The following IL1RAPL1 variants were observed in gnomAD, a reference collection of about 807,000 sequenced individuals.
IL1RAPL1 encodes the protein interleukin-1 receptor accessory protein-like 1.
Under a neutral mutation model 48.4 loss-of-function variants are expected in IL1RAPL1, and 3 were observed. The observed-to-expected ratio is 0.06, with a 90% CI of 0.03 to 0.16. The LOEUF (loss-of-function observed/expected upper bound fraction) is 0.16, where lower values mean the gene tolerates loss of function less well. IL1RAPL1 is among the 10% of genes least tolerant of loss of function. IL1RAPL1 has a pLI of 1.00. For synonymous variants in IL1RAPL1, 185 were observed against 187.7 expected, an observed-to-expected ratio of 0.99 and a Z score of 0.12; for missense variants, 349 against 530.6, an observed-to-expected ratio of 0.66 and a Z score of 3.36.
At chrX:28,701,546 A>C (rs1444886955) in intron 1 of IL1RAPL1, among the ~76,000 whole-genome samples, 1 of 112,274 alleles carries the variant, frequency 8.9e-6, no homozygotes, top group Non-Finnish European at 1.9e-5. Context: ...TCTTGACTGC[A>C]GAAGAAAGTT....
chrX:29,843,419 G>A (rs1220237369), intron 6 of IL1RAPL1, among the ~76,000 whole-genome samples: 1 of 112,123 alleles, frequency 8.9e-6, no homozygotes, highest in Non-Finnish European at 1.9e-5. Context: ...GACATTATGA[G>A]TGAATTTTAG....
chrX:29,326,572 G>T (rs1346154544), intron 3 of IL1RAPL1, among the ~76,000 whole-genome samples: 3 of 111,991 alleles, frequency 2.7e-5, no homozygotes, highest in Non-Finnish European at 1.9e-5. Context: ...CTATGTCATA[G>T]CCCTCATTAT....
chrX:29,672,556 A>C (rs933490831), intron 6 of IL1RAPL1, among the ~76,000 whole-genome samples: 3 of 111,157 alleles, frequency 2.7e-5, no homozygotes, highest in Admixed American at 1.9e-4. Flanking sequence ...AAAATATACA[A>C]ACCTAATCGA....
At chrX:29,157,196 C>T in intron 2 of IL1RAPL1, among the ~76,000 whole-genome samples, 1 of 111,431 alleles carries the variant, frequency 9.0e-6, no homozygotes, top group Non-Finnish European at 1.9e-5. Context: ...ACAGGGAGAT[C>T]TGTAGATAAC....
chrX:29,787,790 A>C (rs947887589), intron 6 of IL1RAPL1, among the ~76,000 whole-genome samples: 2 of 112,006 alleles, frequency 1.8e-5, no homozygotes, highest in African/African-American at 6.5e-5. Flanking sequence ...GTATAACTTA[A>C]TGTTTTTAGT....
At chrX:29,274,697 A>G (rs1234397394) in intron 2 of IL1RAPL1, among the ~76,000 whole-genome samples, 1 of 112,239 alleles carries the variant, frequency 8.9e-6, no homozygotes, top group Non-Finnish European at 1.9e-5. Context: ...GTTCTGCTGT[A>G]TAAACACCTG....
chrX:29,633,254 GTATAT>G (rs1169342443), intron 5 of IL1RAPL1, among the ~76,000 whole-genome samples: 1 of 111,191 alleles, frequency 9.0e-6, no homozygotes, highest in African/African-American at 3.3e-5. Flanking sequence ...GAAAAAAAGA[GTATAT>G]AATATATGAT....
intron 6 of IL1RAPL1, among the ~76,000 whole-genome samples, chrX:29,778,898 A>C (rs1929271019): frequency 8.9e-6 from 1 of 111,901 alleles, no homozygotes; most frequent in African/African-American, 3.2e-5. Context: ...ATTTGGGGGA[A>C]AGAGTGTAGC....
chrX:29,221,931 A>G (rs914153175), intron 2 of IL1RAPL1, among the ~76,000 whole-genome samples: 1 of 103,815 alleles, frequency 9.6e-6, no homozygotes, highest in Non-Finnish European at 2.0e-5. Context: ...GAATCGCTTG[A>G]CCCAGGAGGC....
chrX:29,319,364 ATTTTTTTTT>A (rs762918998), intron 3 of IL1RAPL1, among the ~76,000 whole-genome samples: 2 of 58,137 alleles, frequency 3.4e-5, no homozygotes, highest in Non-Finnish European at 6.1e-5. Context: ...GATAAATTTA[ATTTTTTTTT>A]TTTTTTTTTT....
At chrX:28,911,919 T>C (rs1407925782) in intron 2 of IL1RAPL1, among the ~76,000 whole-genome samples, 1 of 106,698 alleles carries the variant, frequency 9.4e-6, no homozygotes, top group East Asian at 2.9e-4. Context: ...TCTTGTCAGG[T>C]TGTAATGTGT....
intron 2 of IL1RAPL1, among the ~76,000 whole-genome samples, chrX:28,831,981 G>T (rs1921071046): frequency 9.1e-6 from 1 of 110,445 alleles, no homozygotes; most frequent in Admixed American, 9.7e-5. Context: ...ATTTTATATT[G>T]ATATAATAAT....
At chrX:28,840,248 G>A (rs888411412) in intron 2 of IL1RAPL1, among the ~76,000 whole-genome samples, 7 of 110,906 alleles carry the variant, frequency 6.3e-5, no homozygotes. Flanking sequence ...GTGGCATTTC[G>A]TATAACCGTA....
intron 1 of IL1RAPL1, among the ~76,000 whole-genome samples, chrX:28,616,142 G>T (rs1447653635): frequency 8.9e-6 from 1 of 112,199 alleles, no homozygotes; most frequent in Non-Finnish European, 1.9e-5. Context: ...CATGTCATAT[G>T]AAAACATATC....
chrX:29,622,122 T>C lies in IL1RAPL1; in HGVS notation c.704-46308T>C, dbSNP rs144015316. On this transcript the variant is annotated intron_variant, in intron 5 of 10. Transcript: ENST00000378993. ...TTATGTCTGAATAATATTCCAGTGA[T>C]CTGCCAGAACTGAATTTTAAATGGG... 1.2e-4 allele frequency among the ~76,000 whole-genome samples: 13 copies of C among 112,721 alleles called. No individual in the cohort carries two copies. In the East Asian group the frequency reaches 3.3e-3, roughly 29 times the overall value.
chrX:28,800,762 A>G (rs1012214947), intron 2 of IL1RAPL1, among the ~76,000 whole-genome samples: 5 of 111,408 alleles, frequency 4.5e-5, no homozygotes, highest in Admixed American at 3.8e-4. Context: ...GAGACAACGG[A>G]GTCTGAAAGA....
chrX:29,486,649 A>G (rs1305401873), intron 5 of IL1RAPL1, among the ~76,000 whole-genome samples: 1 of 94,907 alleles, frequency 1.1e-5, no homozygotes, highest in African/African-American at 4.0e-5. Flanking sequence ...CTCGTGGTCT[A>G]TCTGAGGGTG....
At chrX:29,280,364 C>G (rs1467954811) in intron 2 of IL1RAPL1, among the ~76,000 whole-genome samples, 1 of 111,279 alleles carries the variant, frequency 9.0e-6, no homozygotes, top group African/African-American at 3.3e-5. Flanking sequence ...CTCAATACAG[C>G]CCTTTTGTAA....
chrX:29,322,079 T>A (rs1042598417), intron 3 of IL1RAPL1, among the ~76,000 whole-genome samples: 2 of 110,982 alleles, frequency 1.8e-5, no homozygotes. Flanking sequence ...ATTAAAAAAA[T>A]AACAGAAGCC....
Sources: allele counts gnomAD v4.1 joint callset (sites outside exome capture counted in the v4.1 genomes callset), GRCh38; gene constraint gnomAD v4.1.1; transcripts MANE v1.5; gene names NCBI Gene and HGNC (gene_info 2026-07-23, HGNC 2026-07-21).